Variants in LAMA5 observed in about 807,000 individuals in gnomAD.
LAMA5 encodes the protein laminin subunit alpha-5.
LAMA5 carries 260 observed loss-of-function variants against 433.4 expected under a neutral mutation model. That is an observed-to-expected ratio of 0.60 (90% CI 0.54 to 0.66). The LOEUF (loss-of-function observed/expected upper bound fraction) is 0.66, where lower values mean the gene tolerates loss of function less well. Among genes scored for constraint, LAMA5 ranks in the 30% least tolerant of loss-of-function variants. The probability of loss-of-function intolerance (pLI) is 0.00; values close to 1 mark genes in which losing one functional copy is unlikely to be tolerated. For synonymous variants in LAMA5, 2,620 were observed against 2,226.6 expected, an observed-to-expected ratio of 1.18 and a Z score of -4.97; for missense variants, 5,378 against 5,258.5, an observed-to-expected ratio of 1.02 and a Z score of -0.70.
In LAMA5 at chr20:62,334,181, C is replaced by T. The variant is rs6061489; in HGVS notation, c.2739+5G>A. On this transcript the variant is annotated splice_donor_5th_base_variant and intron_variant, in intron 22 of 79. Transcript: ENST00000252999. ...TGAGCCTGGGAGGGGGAGCACAGCGCCCACCTGGACAGGTGCCATCTGCGC... is the reference window on the plus strand; with the variant it reads ...TGAGCCTGGGAGGGGGAGCACAGCGTCCACCTGGACAGGTGCCATCTGCGC... 7.4e-6 allele frequency: 12 copies of T among 1,610,986 alleles called. No homozygotes were observed. In the African/African-American group the frequency reaches 1.5e-4, roughly 20 times the overall value.
At position 62,351,893 on chromosome 20, in the gene LAMA5, G is replaced by A. The variant is rs531826566; in HGVS notation, c.858+16C>T. 110 of 1,587,150 alleles carry A rather than the reference G, an allele frequency of 6.9e-5. 1 individual carries two copies. The South Asian group carries it at 8.3e-4, about 12-fold the overall frequency. Reference sequence around the variant, plus strand: ...CGGCCAGTCCCCCTCCCCCGCCTGCGCCATGGGCAGCTCACCCGGCGGGTG... The same window carrying A: ...CGGCCAGTCCCCCTCCCCCGCCTGCACCATGGGCAGCTCACCCGGCGGGTG... On this transcript the variant is annotated intron_variant, in intron 5 of 79. Transcript: ENST00000252999.
At chr20:62,342,782 G>A (rs1484228446) in intron 11 of LAMA5, among the ~76,000 whole-genome samples, 1 of 152,184 alleles carries the variant, frequency 6.6e-6, no homozygotes, top group Non-Finnish European at 1.5e-5. Context: ...TAATTTCTGT[G>A]ATTTTTAAAC....
At chr20:62,352,451 G>T in intron 3 of LAMA5, 91 bp from the exon 4 acceptor site, 1 of 914,156 alleles carries the variant, frequency 1.1e-6, no homozygotes, top group Non-Finnish European at 1.7e-6. Flanking sequence ...TCCGGGCCTT[G>T]CCACTGAGGC....
At chr20:62,351,198 T>G in intron 6 of LAMA5, 3 of 174,240 alleles carry the variant, frequency 1.7e-5, no homozygotes, top group Non-Finnish European at 3.7e-5. Flanking sequence ...TTGACTGGAG[T>G]GAAGGTCAGG....
At chr20:62,334,722 G>T (rs1981209553) in intron 20 of LAMA5, 101 bp from the exon 21 acceptor site, 2 of 672,962 alleles carry the variant, frequency 3.0e-6, no homozygotes, top group Non-Finnish European at 4.5e-6. Context: ...CTCTCTGGAT[G>T]ATGGAGAGTC....
At chr20:62,317,312 G>A (rs1236029443) in intron 55 of LAMA5, 33 bp downstream of exon 55, 7 of 1,567,520 alleles carry the variant, frequency 4.5e-6, no homozygotes, top group Non-Finnish European at 5.2e-6. Context: ...TCCCCAGGGT[G>A]GGCCCAGGGC....
At position 62,311,793 on chromosome 20, in the gene LAMA5, C is replaced by T. The variant is rs768930183; in HGVS notation, c.9636-9G>A. 57 of 1,553,946 alleles carry T rather than the reference C, an allele frequency of 3.7e-5. No homozygotes were observed. Among genetic ancestry groups the T allele is most frequent in the Admixed American group, 1.9e-4 (10 of 52,542 alleles). ...CGACATACAGCCAGACTCTGGGGGG[C>T]GGGAGGCCGGAGGCTCGGTTTTTCC... On this transcript the variant is annotated splice_polypyrimidine_tract_variant and intron_variant, in intron 70 of 79. Transcript: ENST00000252999.
chr20:62,315,099 C>G lies in LAMA5; in HGVS notation c.7976G>C (p.Arg2659Pro). Reference protein sequence around the residue: ...QLQAMQENVERWQGQYEGLRG... With the variant: ...QLQAMQENVEPWQGQYEGLRG... ...CAGGCCCTCGTACTGGCCCTGCCAC[C>G]GCTCCACATTCTCCTGCATGGCCTG... The change falls in exon 59 of 80, where the codon CGG (arginine) becomes CCG (proline). Residue 2659 changes from arginine (R) to proline (P), a missense_variant. Physicochemically the swap from Arg to Pro is moderately radical, Grantham distance 103 (BLOSUM62 -2). Transcript: ENST00000252999. 1 of 1,606,162 alleles carries G rather than the reference C, an allele frequency of 6.2e-7. No homozygotes were observed. Among genetic ancestry groups the G allele is most frequent in the Non-Finnish European group, 8.5e-7 (1 of 1,179,648 alleles).
chr20:62,345,144 A>C (rs977718925), intron 11 of LAMA5, among the ~76,000 whole-genome samples: 5 of 151,854 alleles, frequency 3.3e-5, no homozygotes, highest in African/African-American at 1.2e-4. Context: ...CAGCCTCCTG[A>C]GTAGCTGGGA....
intron 16 of LAMA5, 54 bp from the exon 17 acceptor site, chr20:62,336,840 C>G (rs1981720220): frequency 1.3e-6 from 2 of 1,579,804 alleles, no homozygotes; most frequent in Admixed American, 1.8e-5. Context: ...CCCGGAAGGC[C>G]AAGGGTGTCC....
intron 51 of LAMA5, 138 bp from the exon 52 acceptor site, chr20:62,319,151 C>T (rs1987379268): frequency 1.2e-6 from 1 of 868,724 alleles, no homozygotes; most frequent in African/African-American, 1.7e-5. Context: ...CTGGGTGGCC[C>T]CTAGAGCACC....
intron 11 of LAMA5, among the ~76,000 whole-genome samples, chr20:62,339,471 C>T (rs917585153): frequency 6.6e-6 from 1 of 152,014 alleles, no homozygotes; most frequent in Non-Finnish European, 1.5e-5. Context: ...CTCCTGACCA[C>T]GTGATCCGCC....
chr20:62,360,100 C>T (rs1032233302), intron 2 of LAMA5, among the ~76,000 whole-genome samples: 17 of 150,852 alleles, frequency 1.1e-4, no homozygotes, highest in Non-Finnish European at 2.1e-4. Context: ...AAGGACATTT[C>T]CCCACCCCAC....
rs1983329403 is a variant in LAMA5, at chr20:62,346,157, G to C, written c.1341C>G (p.Cys447Trp). 10 of 1,612,908 alleles carry C rather than the reference G, an allele frequency of 6.2e-6. No homozygotes were observed. The highest frequency in any genetic ancestry group is 8.5e-6 in the Non-Finnish European group (10 of 1,179,964). Reference sequence around the variant, plus strand: ...CCCCAGAGAAGTTGGGCCGGCAGTAGCATCGACCCGTCAGGTCCTCGCAGG... The same window carrying C: ...CCCCAGAGAAGTTGGGCCGGCAGTACCATCGACCCGTCAGGTCCTCGCAGG... ...DGTCEDLTGR[C>W]YCRPNFSGER... Residue 447 changes from cysteine to tryptophan, a missense_variant, in exon 10 of 80, where the codon TGC becomes TGG. Cys to Trp is a radical substitution (Grantham distance 215, BLOSUM62 -2). Coordinates refer to ENST00000252999, the MANE Select transcript of LAMA5 (RefSeq NM_005560.6).
At chr20:62,342,689 A>G (rs1260098685) in intron 11 of LAMA5, among the ~76,000 whole-genome samples, 2 of 148,638 alleles carry the variant, frequency 1.3e-5, no homozygotes, top group Admixed American at 1.3e-4. Flanking sequence ...AAACAAAAAC[A>G]AAAAAACAAA....
chr20:62,317,043 C>G lies in LAMA5; in HGVS notation c.7512-20G>C. ...ATGATGCTGCAGCGGAAGGGAGGGTCGAAGGAGTGGGTAAGCGCAGACGCC... is the reference window on the plus strand; with the variant it reads ...ATGATGCTGCAGCGGAAGGGAGGGTGGAAGGAGTGGGTAAGCGCAGACGCC... On this transcript the variant is annotated intron_variant, in intron 55 of 79. Transcript: ENST00000252999. 1 of 1,514,858 alleles carries G rather than the reference C, an allele frequency of 6.6e-7. No individual in the cohort carries two copies. The highest frequency in any genetic ancestry group is 1.3e-5 in the South Asian group (1 of 76,548). The allele number at this position is 1,514,858 out of a possible 1,614,324, so 93.8% of individuals were successfully genotyped here.
rs1220139245 is a variant in LAMA5, at chr20:62,333,669, G to A, written c.2916C>T (p.Ser972=). The A allele has an allele frequency of 1.3e-6, 2 of 1,595,284 alleles. No individual in the cohort carries two copies. Among genetic ancestry groups the A allele is most frequent in the Non-Finnish European group, 1.7e-6 (2 of 1,172,846 alleles). ...AQSQPVAFPP[S]TEPAFITVPQ... The stretch of plus-strand genomic sequence containing the variant: ...GCACGGTGATGAAGGCAGGCTCCGT[G>A]CTGGGTGGGAAGGCCACGGGCTGAC... Residue 972 remains serine, a synonymous_variant, in exon 24 of 80, where the codon AGC becomes AGT. Transcript: ENST00000252999.
intron 6 of LAMA5, 95 bp downstream of exon 6, chr20:62,351,609 G>T: frequency 1.6e-6 from 2 of 1,222,144 alleles, no homozygotes; most frequent in African/African-American, 1.5e-5. Context: ...ATGGAACCAG[G>T]TCACCCACCC....
Position 62,311,974 on chromosome 20 carries a change from G to T in LAMA5, c.9581C>A (p.Ala3194Glu). Residue 3194 changes from alanine (A) to glutamate (E), a missense_variant, in exon 70 of 80, where the codon GCG becomes GAG. Coordinates refer to ENST00000252999, the MANE Select transcript of LAMA5 (RefSeq NM_005560.6). ...ATGGGGGGCACCATCGGCGAAGCCCGCTTGAGTTTTCACTTCAGTCCTCAG... is the reference window on the plus strand; with the variant it reads ...ATGGGGGGCACCATCGGCGAAGCCCTCTTGAGTTTTCACTTCAGTCCTCAG... ...QLLRTEVKTQAGFADGAPHYV... is the reference protein window; with the variant it reads ...QLLRTEVKTQEGFADGAPHYV... The T allele has an allele frequency of 2.5e-6, 4 of 1,612,686 alleles. No individual in the cohort carries two copies. The highest frequency in any genetic ancestry group is 3.4e-6 in the Non-Finnish European group (4 of 1,179,890).
Sources: gnomAD v4.1 joint callset for allele counts (sites outside exome capture counted in the v4.1 genomes callset) on GRCh38, gnomAD v4.1.1 for gene constraint, MANE v1.5 for transcripts, NCBI Gene and HGNC (gene_info 2026-07-23, HGNC 2026-07-21) for gene names.